NARS2: variants seen among roughly 807,000 people sequenced by gnomAD.
The protein encoded by NARS2 is asparaginyl-tRNA synthetase.
NARS2 carries 60 observed loss-of-function variants against 62.9 expected under a neutral mutation model. That is an observed-to-expected ratio of 0.95 (90% CI 0.77 to 1.18). NARS2 has a LOEUF of 1.18. Ranked by LOEUF, NARS2 falls within the 50% of genes most tolerant of loss-of-function variation. The pLI is 0.00. For missense variants in NARS2, 619 were observed against 576.4 expected, an observed-to-expected ratio of 1.07 and a Z score of -0.76; for synonymous variants, 196 against 200.0, an observed-to-expected ratio of 0.98 and a Z score of 0.17.
intron 5 of NARS2, chr11:78,558,301 T>C (rs1233186901): frequency 6.6e-6 from 1 of 152,220 alleles, no homozygotes; most frequent in African/African-American, 2.4e-5. Flanking sequence ...CAGTCATGTA[T>C]AATGAAGACG....
chr11:78,438,529 T>C (rs185801314), intron 13 of NARS2, among the ~76,000 whole-genome samples: 3 of 152,312 alleles, frequency 2.0e-5, no homozygotes, highest in South Asian at 2.1e-4. Flanking sequence ...TACATTGATA[T>C]TGAAACACTG....
At chr11:78,465,671 A>T (rs568604521) in intron 11 of NARS2, among the ~76,000 whole-genome samples, 47 of 152,374 alleles carry the variant, frequency 3.1e-4, no homozygotes, top group Admixed American at 2.0e-3. Context: ...CTAAACTAAG[A>T]AGAAGACCTT....
chr11:78,465,416 C>T (rs931354368), intron 11 of NARS2, among the ~76,000 whole-genome samples: 58 of 152,362 alleles, frequency 3.8e-4, no homozygotes, highest in African/African-American at 1.1e-3. Context: ...GCCGAGGAGG[C>T]GCCGAGAGCG....
At chr11:78,522,950 G>A (rs1191881954) in intron 6 of NARS2, among the ~76,000 whole-genome samples, 9 of 152,118 alleles carry the variant, frequency 5.9e-5, no homozygotes, top group Admixed American at 5.2e-4. Flanking sequence ...ACCCAGAAAA[G>A]TGAAAATGAA....
chr11:78,482,824 T>C (rs909400859), intron 7 of NARS2, among the ~76,000 whole-genome samples: 4 of 152,140 alleles, frequency 2.6e-5, no homozygotes, highest in Non-Finnish European at 4.4e-5. Flanking sequence ...AAAGAGGAGC[T>C]AGAACCATTC....
intron 6 of NARS2, among the ~76,000 whole-genome samples, chr11:78,523,128 T>C (rs978448303): frequency 1.4e-4 from 21 of 152,280 alleles, no homozygotes; most frequent in Non-Finnish European, 2.5e-4. Context: ...AGGACTTACA[T>C]AGACATTTCT....
chr11:78,452,245 C>T (rs1591134194), intron 11 of NARS2, among the ~76,000 whole-genome samples: 1 of 151,770 alleles, frequency 6.6e-6, no homozygotes, highest in African/African-American at 2.4e-5. Flanking sequence ...GTAGCTGGGA[C>T]TACAGGAGCT....
intron 5 of NARS2, among the ~76,000 whole-genome samples, chr11:78,531,981 T>C (rs1416778591): frequency 6.6e-6 from 1 of 152,202 alleles, no homozygotes; most frequent in Non-Finnish European, 1.5e-5. Flanking sequence ...ATGAATGTAC[T>C]AAATGCCACT....
intron 7 of NARS2, among the ~76,000 whole-genome samples, chr11:78,479,984 G>C (rs928791900): frequency 6.6e-6 from 1 of 152,098 alleles, no homozygotes; most frequent in African/African-American, 2.4e-5. Context: ...CTGCTGCCTT[G>C]ATCTCCTGGG....
intron 11 of NARS2, among the ~76,000 whole-genome samples, chr11:78,446,864 G>C (rs373563487): frequency 9.9e-5 from 15 of 152,024 alleles, no homozygotes; most frequent in African/African-American, 3.6e-4. Context: ...AAACTAAAAA[G>C]TTTCTGCACA....
At chr11:78,543,964 G>C (rs1855738137) in intron 5 of NARS2, among the ~76,000 whole-genome samples, 1 of 131,248 alleles carries the variant, frequency 7.6e-6, no homozygotes, top group African/African-American at 2.8e-5. Context: ...CCGGGAGGTG[G>C]AGCCAAGATT....
intron 6 of NARS2, among the ~76,000 whole-genome samples, chr11:78,523,367 TG>T (rs946829047): frequency 2.6e-5 from 4 of 152,214 alleles, no homozygotes; most frequent in African/African-American, 9.6e-5. Context: ...CTATTGCTGG[TG>T]GGACTGTAAA....
chr11:78,534,165 A>G (rs1861582416), intron 5 of NARS2, among the ~76,000 whole-genome samples: 1 of 152,198 alleles, frequency 6.6e-6, no homozygotes, highest in Non-Finnish European at 1.5e-5. Flanking sequence ...TCCTTTGGGT[A>G]AATACCAAGG....
rs1457389564 is a variant in NARS2 at position 78,519,058 on chromosome 11, G to A, written c.689+9784C>T. On this transcript the variant is annotated intron_variant, in intron 6 of 13. Transcript: ENST00000281038. ...TCTCAAAAATCAAATGACTATAAAT[G>A]AACAAAATTCAGTATCAAGGGAATG... Among the ~76,000 whole-genome samples the A allele has an allele frequency of 2.0e-5, 3 of 152,012 alleles. 1 individual carries two copies. The highest frequency in any genetic ancestry group is 2.1e-4 in the South Asian group (1 of 4,822).
In NARS2 at chr11:78,478,689, AGAAAT is replaced by A; in HGVS notation, c.823-11_823-7del. 1 of 1,581,150 alleles carries A rather than the reference AGAAAT, an allele frequency of 6.3e-7. No homozygotes were observed. The highest frequency in any genetic ancestry group is 8.6e-7 in the Non-Finnish European group (1 of 1,157,076). On this transcript the variant is annotated splice_region_variant and splice_polypyrimidine_tract_variant and intron_variant, in intron 7 of 13. Coordinates refer to ENST00000281038, the MANE Select transcript of NARS2 (RefSeq NM_024678.6). ...TTGAACAGTTCCTCTATAACCTAAGAGAAATGAAATAGAATCACCTGACACGTAAG... is the reference window on the plus strand; with the variant it reads ...TTGAACAGTTCCTCTATAACCTAAGAGAAATAGAATCACCTGACACGTAAG...
chr11:78,562,249 T>A (rs1856581776), intron 4 of NARS2, among the ~76,000 whole-genome samples: 1 of 151,072 alleles, frequency 6.6e-6, no homozygotes, highest in Non-Finnish European at 1.5e-5. Flanking sequence ...CACAGTGAGA[T>A]CCCATCTCTA....
At chr11:78,487,263 G>A (rs1859618734) in intron 7 of NARS2, among the ~76,000 whole-genome samples, 1 of 151,656 alleles carries the variant, frequency 6.6e-6, no homozygotes, top group African/African-American at 2.4e-5. Context: ...GGCTGAGGCA[G>A]GAGAAATGCT....
At chr11:78,554,841 G>A (rs1172659408) in intron 5 of NARS2, among the ~76,000 whole-genome samples, 1 of 152,174 alleles carries the variant, frequency 6.6e-6, no homozygotes, top group Non-Finnish European at 1.5e-5. Context: ...ATAGTCTTCT[G>A]CTGGTTTCCA....
Position 78,464,250 on chromosome 11 carries a change from G to A in NARS2, c.1164+1626C>T, listed in dbSNP as rs191870313. Among the ~76,000 whole-genome samples, 3 of 151,844 alleles carry A rather than the reference G, an allele frequency of 2.0e-5. No homozygotes were observed. In the East Asian group the frequency reaches 5.8e-4, roughly 29 times the overall value. On this transcript the variant is annotated intron_variant, in intron 11 of 13. Coordinates refer to ENST00000281038, the MANE Select transcript of NARS2 (RefSeq NM_024678.6). Reference sequence around the variant, plus strand: ...AGGAGTGAAGCTGCAGATCTTCGCGGTGAGTGTTACAGCTCATAAAGGCAG... The same window carrying A: ...AGGAGTGAAGCTGCAGATCTTCGCGATGAGTGTTACAGCTCATAAAGGCAG...
Sources: allele counts gnomAD v4.1 joint callset (sites outside exome capture counted in the v4.1 genomes callset), GRCh38; gene constraint gnomAD v4.1.1; transcripts MANE v1.5; gene names NCBI Gene and HGNC (gene_info 2026-07-23, HGNC 2026-07-21).